Variants in TRIM44 observed in about 807,000 individuals in gnomAD.
TRIM44 encodes tripartite motif containing 44, also known as tripartite motif-containing protein 44.
Under a neutral mutation model 37.4 loss-of-function variants are expected in TRIM44, and 13 were observed. The ratio of observed to expected loss-of-function variants is 0.35; its 90% CI spans 0.23 to 0.55. The LOEUF is 0.55. TRIM44 is among the 20% of genes least tolerant of loss of function. The pLI, the probability that TRIM44 is intolerant of heterozygous loss-of-function variation, is 0.89. For missense variants in TRIM44, 426 were observed against 437.2 expected, an observed-to-expected ratio of 0.97 and a Z score of 0.23; for synonymous variants, 175 against 157.2, an observed-to-expected ratio of 1.11 and a Z score of -0.85.
At chr11:35,739,630 G>A (rs1698408196) in intron 4 of TRIM44, among the ~76,000 whole-genome samples, 1 of 152,034 alleles carries the variant, frequency 6.6e-6, no homozygotes, top group African/African-American at 2.4e-5. Flanking sequence ...ATCCTCTGAG[G>A]GTTAGCAGAA....
rs115791973 is a variant in TRIM44, at chr11:35,711,022, T to C, written c.748-14902T>C. 9.8e-3 allele frequency among the ~76,000 whole-genome samples: 1,500 copies of C among 152,300 alleles called. 24 individuals are homozygous for C. The highest frequency in any genetic ancestry group is 0.033 in the African/African-American group (1,378 of 41,568). ...ATAGAGATAGAAAGAGACTCAATAC[T>C]GTATGGGACTGAGGGAGGTGGAGGA... On this transcript the variant is annotated intron_variant, in intron 2 of 4. Coordinates refer to ENST00000299413, the MANE Select transcript of TRIM44 (RefSeq NM_017583.6).
At chr11:35,787,645 A>T (rs530930470) in intron 4 of TRIM44, among the ~76,000 whole-genome samples, 1 of 152,342 alleles carries the variant, frequency 6.6e-6, no homozygotes, top group South Asian at 2.1e-4. Flanking sequence ...GTAAGTGATT[A>T]ATCTGGATAC....
intron 2 of TRIM44, among the ~76,000 whole-genome samples, chr11:35,715,303 ACTGGGGAGCACAGTTG>A (rs1852025142): frequency 2.0e-5 from 3 of 152,110 alleles, no homozygotes; most frequent in Admixed American, 2.0e-4. Context: ...GTCTCAGGTA[ACTGGGGAGCACAGTTG>A]CTGTGTACTT....
intron 2 of TRIM44, among the ~76,000 whole-genome samples, chr11:35,721,062 C>T (rs1352426960): frequency 6.6e-6 from 1 of 152,048 alleles, no homozygotes; most frequent in Non-Finnish European, 1.5e-5. Context: ...CACCAACACA[C>T]CCAGCTAAAT....
intron 2 of TRIM44, among the ~76,000 whole-genome samples, chr11:35,686,883 C>T (rs1012228890): frequency 7.9e-5 from 12 of 152,356 alleles, no homozygotes; most frequent in African/African-American, 2.9e-4. Flanking sequence ...GCCATCATCA[C>T]TGTCCATCTC....
chr11:35,704,451 C>T (rs1851844183), intron 2 of TRIM44, among the ~76,000 whole-genome samples: 1 of 152,124 alleles, frequency 6.6e-6, no homozygotes, highest in Non-Finnish European at 1.5e-5. Flanking sequence ...CTCCAAGACA[C>T]ATAATTGTCA....
intron 4 of TRIM44, among the ~76,000 whole-genome samples, chr11:35,790,543 G>A (rs1399948265): frequency 6.6e-6 from 1 of 152,002 alleles, no homozygotes; most frequent in Non-Finnish European, 1.5e-5. Flanking sequence ...CTCTGCTTCA[G>A]CTCTATTTGA....
chr11:35,688,734 C>T (rs1199276663), intron 2 of TRIM44, among the ~76,000 whole-genome samples: 2 of 152,180 alleles, frequency 1.3e-5, no homozygotes, highest in Non-Finnish European at 2.9e-5. Flanking sequence ...ACCCAGAAGA[C>T]GTATTAAAAT....
At chr11:35,771,198 G>GT (rs1852865026) in intron 4 of TRIM44, among the ~76,000 whole-genome samples, 3 of 152,290 alleles carry the variant, frequency 2.0e-5, no homozygotes, top group Admixed American at 2.0e-4. Flanking sequence ...AATGCTGATA[G>GT]TGATATGAAC....
rs1010854233 is a variant in TRIM44, at chr11:35,807,835, A to G, written c.*1450A>G. 3.3e-5 allele frequency: 5 copies of G among 152,150 alleles called. No individual in the cohort carries two copies. The highest frequency in any genetic ancestry group is 9.7e-5 in the African/African-American group (4 of 41,446). 9.4% of individuals were successfully genotyped at this position (152,150 alleles called of 1,614,324 possible). A position where few individuals can be genotyped will look rare whatever the true frequency, so the allele number is the denominator to read the frequency against. The stretch of plus-strand genomic sequence containing the variant: ...GTGTTCACTTACGAAGCATACAACT[A>G]GAACCATATCCAAGCAGACTCTGGG... On this transcript the variant is annotated 3_prime_UTR_variant, in exon 5 of 5. Coordinates refer to ENST00000299413, the MANE Select transcript of TRIM44 (RefSeq NM_017583.6).
chr11:35,738,285 G>C (rs1346778933), intron 4 of TRIM44, among the ~76,000 whole-genome samples: 5 of 152,206 alleles, frequency 3.3e-5, no homozygotes, highest in Non-Finnish European at 7.4e-5. Context: ...ATACTGTTCA[G>C]TGTGAGATTC....
intron 4 of TRIM44, among the ~76,000 whole-genome samples, chr11:35,789,406 C>T (rs544805110): frequency 1.3e-5 from 2 of 152,244 alleles, no homozygotes; most frequent in East Asian, 3.9e-4. Flanking sequence ...GTGCTTCATA[C>T]AGCGTTTAAT....
chr11:35,797,170 G>A (rs1238151100), intron 4 of TRIM44, among the ~76,000 whole-genome samples: 1 of 152,144 alleles, frequency 6.6e-6, no homozygotes, highest in Admixed American at 6.5e-5. Context: ...TATTGATGGG[G>A]ATATGTCAAT....
Position 35,760,779 on chromosome 11 carries a change from T to C in TRIM44, c.1007+25334T>C, listed in dbSNP as rs147144211. Reference sequence around the variant, plus strand: ...CTAGTTAACATGCATTATCTCACATTATCATTTTTTATAGTGAGAGCACTT... The same window carrying C: ...CTAGTTAACATGCATTATCTCACATCATCATTTTTTATAGTGAGAGCACTT... On this transcript the variant is annotated intron_variant, in intron 4 of 4. Coordinates refer to ENST00000299413, the MANE Select transcript of TRIM44 (RefSeq NM_017583.6). Among the ~76,000 whole-genome samples, 65 of 152,354 alleles carry C rather than the reference T, an allele frequency of 4.3e-4. No individual in the cohort carries two copies. In the East Asian group the frequency reaches 0.012, roughly 28 times the overall value.
At position 35,817,845 on chromosome 11, in the gene TRIM44, C is replaced by T. The variant is rs767514332; in HGVS notation, c.*11460C>T. ...GTTTAAAAATATGTGACACCTCCCCCCACCTTCCTTCTGCTCTGGCCATGT... is the reference window on the plus strand; with the variant it reads ...GTTTAAAAATATGTGACACCTCCCCTCACCTTCCTTCTGCTCTGGCCATGT... On this transcript the variant is annotated 3_prime_UTR_variant, in exon 5 of 5. Transcript: ENST00000299413. 6.6e-6 allele frequency: 1 copy of T among 152,090 alleles called. No individual in the cohort carries two copies. The highest frequency in any genetic ancestry group is 1.5e-5 in the Non-Finnish European group (1 of 68,036). 9.4% of individuals were successfully genotyped at this position (152,090 alleles called of 1,614,324 possible). A position where few individuals can be genotyped will look rare whatever the true frequency, so the allele number is the denominator to read the frequency against.
chr11:35,671,938 G>T (rs1851397537), intron 1 of TRIM44, among the ~76,000 whole-genome samples: 1 of 152,148 alleles, frequency 6.6e-6, no homozygotes, highest in Admixed American at 6.5e-5. Context: ...CCTGAGTCAT[G>T]ACTTGTCATC....
At chr11:35,756,368 T>G (rs2133856478) in intron 4 of TRIM44, among the ~76,000 whole-genome samples, 1 of 152,258 alleles carries the variant, frequency 6.6e-6, no homozygotes, top group African/African-American at 2.4e-5. Context: ...ATCCTGAGAC[T>G]TTGCTGAAGT....
At chr11:35,687,129 T>C (rs1002666201) in intron 2 of TRIM44, among the ~76,000 whole-genome samples, 2 of 152,224 alleles carry the variant, frequency 1.3e-5, no homozygotes, top group East Asian at 1.9e-4. Context: ...CTTTATCTTA[T>C]GTCATGCAAA....
intron 4 of TRIM44, among the ~76,000 whole-genome samples, chr11:35,778,924 A>G (rs1295582396): frequency 6.6e-6 from 1 of 152,230 alleles, no homozygotes; most frequent in Non-Finnish European, 1.5e-5. Context: ...CAGTCTGTCC[A>G]TTCTCAGATC....
Sources: allele counts gnomAD v4.1 joint callset (sites outside exome capture counted in the v4.1 genomes callset), GRCh38; gene constraint gnomAD v4.1.1; transcripts MANE v1.5; gene names NCBI Gene and HGNC (gene_info 2026-07-23, HGNC 2026-07-21).